SRPX: variants seen among roughly 807,000 people sequenced by gnomAD.
SRPX encodes sushi repeat-containing protein SRPX.
SRPX carries 24 observed loss-of-function variants against 38.1 expected under a neutral mutation model. The ratio of observed to expected loss-of-function variants is 0.63; its 90% CI spans 0.46 to 0.89. The LOEUF is 0.89. Ranked by LOEUF, SRPX falls within the 40% of genes least tolerant of loss-of-function variation. The pLI is 0.00. For synonymous variants in SRPX, 184 were observed against 153.8 expected, an observed-to-expected ratio of 1.20 and a Z score of -1.45; for missense variants, 416 against 377.8, an observed-to-expected ratio of 1.10 and a Z score of -0.84.
chrX:38,191,022 C>T (rs931429110), intron 1 of SRPX, among the ~76,000 whole-genome samples: 1 of 111,122 alleles, frequency 9.0e-6, no homozygotes, highest in South Asian at 3.8e-4. Flanking sequence ...AATGCTAATT[C>T]GAGAGAATGA....
At chrX:38,160,342 T>G (rs926137770) in intron 6 of SRPX, 146 bp from the exon 7 acceptor site, 61 of 560,332 alleles carry the variant, frequency 1.1e-4, no homozygotes, top group Non-Finnish European at 1.5e-4. Context: ...GGATGACTAT[T>G]TGGTCAGTGA....
chrX:38,172,893 T>TGA (rs776204349), intron 3 of SRPX, among the ~76,000 whole-genome samples: 5 of 109,369 alleles, frequency 4.6e-5, no homozygotes, highest in South Asian at 3.9e-4. Context: ...AGTGAGAGAG[T>TGA]GAGAGAGAGA....
chrX:38,197,635 A>G (rs1373343637), intron 1 of SRPX, among the ~76,000 whole-genome samples: 1 of 112,288 alleles, frequency 8.9e-6, no homozygotes, highest in African/African-American at 3.2e-5. Flanking sequence ...ACAAAAAATG[A>G]CCAACAGAGA....
intron 4 of SRPX, 130 bp downstream of exon 4, chrX:38,171,751 C>T (rs1436789832): frequency 3.3e-6 from 2 of 610,306 alleles, no homozygotes; most frequent in Non-Finnish European, 5.1e-6. Context: ...ACCAGTGATG[C>T]TACTGAGAGC....
intron 1 of SRPX, among the ~76,000 whole-genome samples, chrX:38,187,977 GAAA>G (rs1297078129): frequency 8.9e-6 from 1 of 111,771 alleles, no homozygotes; most frequent in African/African-American, 3.3e-5. Flanking sequence ...GGAGTAGAGC[GAAA>G]AAGAAACTTT....
chrX:38,214,842 C>T (rs779150864), intron 1 of SRPX, among the ~76,000 whole-genome samples: 7 of 111,857 alleles, frequency 6.3e-5, no homozygotes, highest in Non-Finnish European at 1.1e-4. Context: ...ACCGTGTTTG[C>T]GAACAATCTT....
intron 1 of SRPX, among the ~76,000 whole-genome samples, chrX:38,206,341 G>A (rs1015666562): frequency 3.6e-5 from 4 of 112,129 alleles, no homozygotes; most frequent in Admixed American, 9.4e-5. Flanking sequence ...AACCAGAGAT[G>A]AGCCGTCCCC....
rs1267132542 is a variant in SRPX at position 38,210,260 on chromosome X, GCTGCTGGTCTACA to G, written c.97+10423_97+10435del. ...GTTCCCAGGAGATGCTGCTGCTGTTGCTGCTGGTCTACAGACCCCACTTTGAGATTCTGTGGTC... is the reference window on the plus strand; with the variant it reads ...GTTCCCAGGAGATGCTGCTGCTGTTGGACCCCACTTTGAGATTCTGTGGTC... On this transcript the variant is annotated intron_variant, in intron 1 of 9. Coordinates refer to ENST00000378533, the MANE Select transcript of SRPX (RefSeq NM_006307.5). Among the ~76,000 whole-genome samples the G allele has an allele frequency of 1.2e-4, 13 of 111,913 alleles. No individual in the cohort carries two copies. In the South Asian group the frequency reaches 4.9e-3, roughly 42 times the overall value.
At chrX:38,165,444 C>T (rs974032877) in intron 4 of SRPX, among the ~76,000 whole-genome samples, 2 of 111,746 alleles carry the variant, frequency 1.8e-5, no homozygotes, top group African/African-American at 6.5e-5. Flanking sequence ...AGAGAATTTG[C>T]CATGTATTGG....
At chrX:38,175,784 G>A (rs1352935902) in intron 2 of SRPX, among the ~76,000 whole-genome samples, 1 of 112,101 alleles carries the variant, frequency 8.9e-6, no homozygotes, top group Non-Finnish European at 1.9e-5. Flanking sequence ...TAAAGGTGAT[G>A]TCCTAAAGGC....
intron 1 of SRPX, among the ~76,000 whole-genome samples, 197 bp downstream of exon 1, chrX:38,220,499 A>G (rs1295743223): frequency 8.8e-6 from 1 of 113,532 alleles, no homozygotes; most frequent in Non-Finnish European, 1.9e-5. Context: ...TGGAGATGGG[A>G]TGGTCAGTTC....
intron 1 of SRPX, among the ~76,000 whole-genome samples, chrX:38,196,877 T>C (rs1212794380): frequency 1.8e-5 from 2 of 112,179 alleles, no homozygotes; most frequent in Non-Finnish European, 3.8e-5. Flanking sequence ...TGCCTTTTTT[T>C]TGGCTAAGAG....
Position 38,219,314 on chromosome X carries a change from T to C in SRPX, c.97+1382A>G, listed in dbSNP as rs565129830. 8.1e-5 allele frequency among the ~76,000 whole-genome samples: 9 copies of C among 110,523 alleles called. 1 individual carries two copies. The South Asian group carries it at 3.6e-3, about 44-fold the overall frequency. On this transcript the variant is annotated intron_variant, in intron 1 of 9. Coordinates refer to ENST00000378533, the MANE Select transcript of SRPX (RefSeq NM_006307.5). ...ACCTCCCAACTCAGTGCGGAAAAGCTACCTCTAGCTTCTCACCTTATTTGC... is the reference window on the plus strand; with the variant it reads ...ACCTCCCAACTCAGTGCGGAAAAGCCACCTCTAGCTTCTCACCTTATTTGC...
intron 5 of SRPX, among the ~76,000 whole-genome samples, chrX:38,163,833 T>C (rs1266386440): frequency 1.8e-5 from 2 of 111,433 alleles, no homozygotes; most frequent in Non-Finnish European, 3.8e-5. Flanking sequence ...AAGAGATAAA[T>C]ACAGCCAAAA....
chrX:38,187,658 C>G (rs916606092), intron 1 of SRPX, among the ~76,000 whole-genome samples: 18 of 112,124 alleles, frequency 1.6e-4, no homozygotes, highest in African/African-American at 5.8e-4. Context: ...TGCCGGGTCT[C>G]TTGTATTCTT....
At chrX:38,196,091 C>T (rs915748900) in intron 1 of SRPX, among the ~76,000 whole-genome samples, 3 of 111,697 alleles carry the variant, frequency 2.7e-5, no homozygotes, top group Admixed American at 9.5e-5. Flanking sequence ...TTATCCTAAG[C>T]GTTATTTTAG....
intron 1 of SRPX, among the ~76,000 whole-genome samples, chrX:38,184,155 G>T (rs1414971535): frequency 6.3e-5 from 7 of 111,337 alleles, no homozygotes; most frequent in Non-Finnish European, 1.1e-4. Context: ...ACGCCATAAG[G>T]TTTCTCACCG....
intron 1 of SRPX, among the ~76,000 whole-genome samples, chrX:38,215,389 T>C (rs775062921): frequency 4.5e-5 from 5 of 111,598 alleles, no homozygotes; most frequent in Non-Finnish European, 9.4e-5. Flanking sequence ...TCTGGAAAAC[T>C]TGGGAGCTTA....
chrX:38,170,460 G>A (rs1003684116), intron 4 of SRPX, among the ~76,000 whole-genome samples: 1 of 112,026 alleles, frequency 8.9e-6, no homozygotes, highest in Non-Finnish European at 1.9e-5. Context: ...TGTCTGTCGC[G>A]AAAATCAAAG....
Sources: gnomAD v4.1 joint callset for allele counts (sites outside exome capture counted in the v4.1 genomes callset) on GRCh38, gnomAD v4.1.1 for gene constraint, MANE v1.5 for transcripts, NCBI Gene and HGNC (gene_info 2026-07-23, HGNC 2026-07-21) for gene names.